Variants in CCM2 observed in about 807,000 individuals in gnomAD.
CCM2 encodes cerebral cavernous malformations 2 protein.
A neutral mutation model predicts 44.9 loss-of-function variants in CCM2; 25 were observed. That is an observed-to-expected ratio of 0.56 (90% CI 0.41 to 0.78). CCM2 has a LOEUF of 0.78. CCM2 is among the 30% of genes least tolerant of loss of function. CCM2 has a pLI of 0.00. For synonymous variants in CCM2, 219 were observed against 241.1 expected, an observed-to-expected ratio of 0.91 and a Z score of 0.85; for missense variants, 481 against 580.6, an observed-to-expected ratio of 0.83 and a Z score of 1.76.
chr7:45,069,762 A>C, intron 5 of CCM2, 64 bp from the exon 6 acceptor site: 2 of 1,608,840 alleles, frequency 1.2e-6, no homozygotes, highest in Admixed American at 1.7e-5. Context: ...GGTATCCTGG[A>C]AGCCGCCTGG....
chr7:45,023,952 A>G (rs1028380080), intron 1 of CCM2, among the ~76,000 whole-genome samples: 20 of 152,066 alleles, frequency 1.3e-4, no homozygotes, highest in South Asian at 2.1e-4. Flanking sequence ...CTGGGGTTAC[A>G]GACATGTGCC....
chr7:45,071,557 A>G (rs1799073517), intron 6 of CCM2: 1 of 330,246 alleles, frequency 3.0e-6, no homozygotes, highest in Non-Finnish European at 5.9e-6. Context: ...ACATAGCAGC[A>G]TAAACAGCAG....
At chr7:45,010,512 T>C (rs564969031) in intron 1 of CCM2, among the ~76,000 whole-genome samples, 1 of 152,350 alleles carries the variant, frequency 6.6e-6, no homozygotes, top group African/African-American at 2.4e-5. Context: ...CATGTTTCAG[T>C]TGCTGAGTAA....
At chr7:45,014,343 T>C (rs1236914389) in intron 1 of CCM2, among the ~76,000 whole-genome samples, 2 of 151,866 alleles carry the variant, frequency 1.3e-5, no homozygotes, top group Non-Finnish European at 1.5e-5. Flanking sequence ...GTTTCACCAT[T>C]TTGGCCAGGC....
intron 1 of CCM2, among the ~76,000 whole-genome samples, chr7:45,003,728 CAAA>C (rs59817510): frequency 5.7e-5 from 8 of 139,788 alleles, no homozygotes; most frequent in South Asian, 2.3e-4. Flanking sequence ...ACTCCATCTC[CAAA>C]AAAAAAAAAA....
chr7:45,068,721 C>A, intron 5 of CCM2, 142 bp downstream of exon 5: 1 of 1,086,404 alleles, frequency 9.2e-7, no homozygotes, highest in Non-Finnish European at 1.4e-6. Flanking sequence ...CTGTCCCTGC[C>A]TCACCCTAGT....
chr7:45,004,846 A>G (rs144691984), intron 1 of CCM2, among the ~76,000 whole-genome samples: 131 of 152,146 alleles, frequency 8.6e-4, no homozygotes, highest in African/African-American at 3.1e-3. Context: ...AAAATACAAA[A>G]ATTAGCTGAG....
chr7:45,018,036 A>C (rs1210079063), intron 1 of CCM2, among the ~76,000 whole-genome samples: 1 of 128,106 alleles, frequency 7.8e-6, no homozygotes, highest in Non-Finnish European at 1.6e-5. Flanking sequence ...CCATAGACCA[A>C]AGTGGGGAAA....
chr7:45,072,314 C>T, intron 6 of CCM2: 1 of 347,008 alleles, frequency 2.9e-6, no homozygotes, highest in South Asian at 2.3e-5. Context: ...TGACCTGGGC[C>T]AAGTTGTGTA....
intron 1 of CCM2, among the ~76,000 whole-genome samples, chr7:45,035,768 CT>C (rs1797186124): frequency 2.0e-5 from 3 of 151,896 alleles, no homozygotes; most frequent in African/African-American, 7.3e-5. Flanking sequence ...GCTGGTCCAA[CT>C]TTATTATAGT....
intron 2 of CCM2, among the ~76,000 whole-genome samples, chr7:45,061,732 G>T (rs752842370): frequency 1.3e-5 from 2 of 152,038 alleles, no homozygotes; most frequent in African/African-American, 2.4e-5. Flanking sequence ...CAAACCTGCC[G>T]CCTTGGCCAT....
At chr7:45,063,045 G>A (rs1226846881) in intron 2 of CCM2, 3 of 151,902 alleles carry the variant, frequency 2.0e-5, no homozygotes, top group African/African-American at 7.3e-5. Context: ...CACAAGGGCA[G>A]AGCTCTCGTG....
intron 9 of CCM2, among the ~76,000 whole-genome samples, chr7:45,075,348 G>A (rs1453265830): frequency 6.6e-6 from 1 of 152,278 alleles, no homozygotes; most frequent in Admixed American, 6.5e-5. Context: ...ACTTTGGCAT[G>A]AGGCCTGCCT....
At chr7:45,045,374 A>G (rs1395324855) in intron 2 of CCM2, among the ~76,000 whole-genome samples, 4 of 111,408 alleles carry the variant, frequency 3.6e-5, no homozygotes, top group Non-Finnish European at 7.1e-5. Flanking sequence ...TAAAAGAAAA[A>G]TCACCGCTTA....
chr7:45,066,715 G>A (rs1407071872), intron 4 of CCM2, among the ~76,000 whole-genome samples: 1 of 152,096 alleles, frequency 6.6e-6, no homozygotes, highest in Non-Finnish European at 1.5e-5. Context: ...ACCCGTGGTA[G>A]CACTTCCTGG....
chr7:45,063,884 T>G, intron 2 of CCM2, 34 bp from the exon 3 acceptor site: 2 of 1,465,552 alleles, frequency 1.4e-6, no homozygotes, highest in Non-Finnish European at 1.9e-6. Flanking sequence ...CAGCTCCCAT[T>G]TCTCATGGCA....
chr7:45,040,970 A>G (rs932131767), intron 2 of CCM2, among the ~76,000 whole-genome samples: 5 of 152,230 alleles, frequency 3.3e-5, no homozygotes, highest in Non-Finnish European at 2.9e-5. Context: ...AGCCTAGGCG[A>G]CAGCGTGAGA....
At chr7:45,035,852 A>G (rs1797192370) in intron 1 of CCM2, among the ~76,000 whole-genome samples, 1 of 152,146 alleles carries the variant, frequency 6.6e-6, no homozygotes, top group Non-Finnish European at 1.5e-5. Flanking sequence ...TATAGACAGC[A>G]GTGGAAGAAG....
intron 2 of CCM2, among the ~76,000 whole-genome samples, chr7:45,056,851 G>T (rs141769829): frequency 6.6e-6 from 1 of 152,128 alleles, no homozygotes; most frequent in African/African-American, 2.4e-5. Flanking sequence ...TTCTTTTGTT[G>T]CCTGTGCTTT....
Sources: allele counts gnomAD v4.1 joint callset (sites outside exome capture counted in the v4.1 genomes callset), GRCh38; gene constraint gnomAD v4.1.1; transcripts MANE v1.5; gene names NCBI Gene and HGNC (gene_info 2026-07-23, HGNC 2026-07-21).